Variants in NLRP9 observed in about 807,000 individuals in gnomAD.
The protein encoded by NLRP9 is NLR family pyrin domain containing 9.
NLRP9 carries 88 observed loss-of-function variants against 83.1 expected under a neutral mutation model. That is an observed-to-expected ratio of 1.06 (90% CI 0.89 to 1.26). The LOEUF (loss-of-function observed/expected upper bound fraction) is 1.26, where lower values mean the gene tolerates loss of function less well. Among genes scored for constraint, NLRP9 ranks in the 50% most tolerant of loss-of-function variants. NLRP9 has a pLI of 0.00. For missense variants in NLRP9, 1,308 were observed against 1,179.3 expected (o/e 1.11, Z -1.60); for synonymous variants, 521 against 447.6 (o/e 1.16, Z -2.07).
At chr19:55,717,676 C>T (rs969053447) in intron 4 of NLRP9, among the ~76,000 whole-genome samples, 1 of 152,234 alleles carries the variant, frequency 6.6e-6, no homozygotes, top group Non-Finnish European at 1.5e-5. Context: ...CAACACGCTT[C>T]TGTGGCCGGA....
chr19:55,712,104 G>A (rs1305100915), intron 7 of NLRP9, 134 bp from the exon 8 acceptor site: 5 of 880,740 alleles, frequency 5.7e-6, no homozygotes, highest in South Asian at 3.3e-5. Flanking sequence ...CAGCCAGGAC[G>A]ATTGTGCTCC....
chr19:55,733,250 G>A lies in NLRP9; in HGVS notation c.581C>T (p.Ala194Val). Reference sequence around the variant, plus strand: ...GAGGAGCTCCAGTAAGCTGGTCTCTGCGATACCGTTCATTTCACAGACATT... The same window carrying A: ...GAGGAGCTCCAGTAAGCTGGTCTCTACGATACCGTTCATTTCACAGACATT... The part of the protein sequence containing the change: ...FLNVCEMNGI[A>V]ETSLLELLSR... Residue 194 changes from alanine to valine, a missense_variant, in exon 2 of 9, where the codon GCA becomes GTA. Physicochemically the swap from Ala to Val is moderately conservative, Grantham distance 64 (BLOSUM62 0). Transcript: ENST00000332836. 1 of 1,613,960 alleles carries A rather than the reference G, an allele frequency of 6.2e-7. No homozygotes were observed. The highest frequency in any genetic ancestry group is 8.5e-7 in the Non-Finnish European group (1 of 1,179,856).
rs751372828 is a variant in NLRP9 at position 55,708,999 on chromosome 19, C to CA, written c.2888dup (p.Met963IlefsTer19). The CA allele has an allele frequency of 2.5e-6, 4 of 1,589,080 alleles. No homozygotes were observed. In the African/African-American group the frequency reaches 5.5e-5, roughly 22 times the overall value. On this transcript the variant is annotated frameshift_variant, in exon 9 of 9. Transcript: ENST00000332836. LOFTEE classifies it low-confidence loss of function (END_TRUNC). ...GATGGGGAATTTTTTCTTCCACAGACATCAGGATCTTCTGAGTTTCTTCAT... is the reference window on the plus strand; with the variant it reads ...GATGGGGAATTTTTTCTTCCACAGACAATCAGGATCTTCTGAGTTTCTTCAT...
chr19:55,712,278 C>A, intron 7 of NLRP9, 142 bp downstream of exon 7: 1 of 738,906 alleles, frequency 1.4e-6, no homozygotes, highest in Non-Finnish European at 2.2e-6. Context: ...CTGAGCAAAC[C>A]CTGGGGCAGC....
Position 55,732,438 on chromosome 19 carries a change from C to T in NLRP9, c.1393G>A (p.Asp465Asn), listed in dbSNP as rs146896528. The T allele has an allele frequency of 2.5e-5, 41 of 1,614,076 alleles. No homozygotes were observed. The highest frequency in any genetic ancestry group is 2.1e-4 in the African/African-American group (16 of 74,928). The change falls in exon 2 of 9, where the codon GAT (aspartate) becomes AAT (asparagine). Residue 465 changes from aspartate to asparagine, a missense_variant. Asp to Asn is a conservative substitution (Grantham distance 23). Transcript: ENST00000332836. ...ATGCTTCCAATGGCCGGGTTAGGAT[C>T]GTCTTTGGGTCGTTTGAGCAAATAA... ...MFYLLKRPKD[D>N]PNPAIGSITQ...
chr19:55,724,087 G>C lies in NLRP9; in HGVS notation c.2052C>G (p.Asn684Lys). The change falls in exon 4 of 9, where the codon AAC becomes AAG. Residue 684 changes from asparagine to lysine, a missense_variant. Asn to Lys is a moderately conservative substitution (Grantham distance 94). Transcript: ENST00000332836. The stretch of plus-strand genomic sequence containing the variant: ...ACAGGCTCAGAAGTTTCAGATGAGG[G>C]TTGTGAAGAACTGCCTTAAATAATT... ...DSELFKAVLHNPHLKLLSLYG... is the reference protein window; with the variant it reads ...DSELFKAVLHKPHLKLLSLYG... The C allele has an allele frequency of 6.2e-7, 1 of 1,613,352 alleles. No individual in the cohort carries two copies. The highest frequency in any genetic ancestry group is 2.2e-5 in the East Asian group (1 of 44,878).
At chr19:55,714,815 G>A (rs1458525036) in intron 6 of NLRP9, among the ~76,000 whole-genome samples, 1 of 152,082 alleles carries the variant, frequency 6.6e-6, no homozygotes, top group Non-Finnish European at 1.5e-5. Flanking sequence ...ATGGTGGAAG[G>A]GGCAGAAGAG....
chr19:55,729,255 C>CT lies in NLRP9; in HGVS notation c.1994+575dup, dbSNP rs755429652. ...TACATTTTTTTTTTTTTTTATTATA[C>CT]TTTAAGTTCTAGGGTGCATGTGTAC... On this transcript the variant is annotated intron_variant, in intron 3 of 8. Coordinates refer to ENST00000332836, the MANE Select transcript of NLRP9 (RefSeq NM_176820.4). Among the ~76,000 whole-genome samples, 15 of 146,894 alleles carry CT rather than the reference C, an allele frequency of 1.0e-4. No individual in the cohort carries two copies. In the East Asian group the frequency reaches 2.0e-3, roughly 20 times the overall value.
At position 55,733,225 on chromosome 19, in the gene NLRP9, G is replaced by A; in HGVS notation, c.606C>T (p.Leu202=). 6.2e-7 allele frequency: 1 copy of A among 1,613,902 alleles called. No homozygotes were observed. Among genetic ancestry groups the A allele is most frequent in the Non-Finnish European group, 8.5e-7 (1 of 1,179,850 alleles). ...CTGAAGACTCCGGCCAGTCCCTAGA[G>A]AGGAGCTCCAGTAAGCTGGTCTCTG... ...GIAETSLLEL[L]SRDWPESSEK... The change falls in exon 2 of 9, where the codon CTC becomes CTT. Residue 202 remains leucine (L), a synonymous_variant. Transcript: ENST00000332836.
intron 4 of NLRP9, among the ~76,000 whole-genome samples, chr19:55,718,167 C>T (rs769799319): frequency 6.6e-6 from 1 of 152,160 alleles, no homozygotes; most frequent in Non-Finnish European, 1.5e-5. Flanking sequence ...TCTCGATTAA[C>T]CAGGGACACA....
chr19:55,718,063 C>G (rs897642645), intron 4 of NLRP9, among the ~76,000 whole-genome samples: 1 of 152,188 alleles, frequency 6.6e-6, no homozygotes, highest in African/African-American at 2.4e-5. Context: ...CACAGAAACA[C>G]GTGGTTTAAT....
At chr19:55,733,861 G>A (rs1229049022) in intron 1 of NLRP9, among the ~76,000 whole-genome samples, 1 of 150,492 alleles carries the variant, frequency 6.6e-6, no homozygotes, top group Non-Finnish European at 1.5e-5. Flanking sequence ...TCTTAACCCA[G>A]ACATTTCCTT....
Position 55,708,657 on chromosome 19 carries a change from A to G in NLRP9, c.*255T>C, listed in dbSNP as rs116612558. 7.1e-3 allele frequency: 2,263 copies of G among 318,838 alleles called. 38 individuals are homozygous for G. Among genetic ancestry groups the G allele is most frequent in the African/African-American group, 0.045 (2,100 of 46,844 alleles). The allele number at this position is 318,838 out of a possible 1,614,324, so 19.8% of individuals were successfully genotyped here. ...TTTCCAGAGCGTTTAGCACTTGTTT[A>G]ACGTACTTGTGCTTCTAAATATCAC... On this transcript the variant is annotated 3_prime_UTR_variant, in exon 9 of 9. Transcript: ENST00000332836.
chr19:55,729,621 T>A (rs10416491), intron 3 of NLRP9, among the ~76,000 whole-genome samples: 35,593 of 152,008 alleles, frequency 0.23, 6,723 homozygotes, highest in African/African-American at 0.53. Context: ...ACATTTTCTT[T>A]ATCCAGTCTA....
At position 55,738,287 on chromosome 19, in the gene NLRP9, G is replaced by A. The variant is rs1369521221; in HGVS notation, c.88C>T (p.Leu30Phe). Residue 30 changes from leucine (L) to phenylalanine (F), a missense_variant, in exon 1 of 9, where the codon CTC becomes TTC. Transcript: ENST00000332836. Reference protein sequence around the residue: ...KEEFWKFKELLKQPLEKFELK... With the variant: ...KEEFWKFKELFKQPLEKFELK... ...TCAAATTTCTCCAAAGGTTGTTTGA[G>A]GAGCTCCTTAAATTTCCAAAACTCT... 6 of 1,614,098 alleles carry A rather than the reference G, an allele frequency of 3.7e-6. No individual in the cohort carries two copies. The South Asian group carries it at 4.4e-5, about 12-fold the overall frequency.
At chr19:55,716,126 G>A (rs1337225962) in intron 5 of NLRP9, among the ~76,000 whole-genome samples, 1 of 151,966 alleles carries the variant, frequency 6.6e-6, no homozygotes, top group Non-Finnish European at 1.5e-5. Flanking sequence ...GATTTTAAAT[G>A]TTCTCACATC....
chr19:55,710,664 C>T (rs1204442391), intron 8 of NLRP9, among the ~76,000 whole-genome samples: 4 of 152,182 alleles, frequency 2.6e-5, no homozygotes, highest in Non-Finnish European at 5.9e-5. Context: ...CCACCAAAGA[C>T]GTGCCTATTT....
At chr19:55,733,918 AAT>A (rs1988689404) in intron 1 of NLRP9, among the ~76,000 whole-genome samples, 2 of 118,058 alleles carry the variant, frequency 1.7e-5, no homozygotes, top group African/African-American at 7.3e-5. Flanking sequence ...TTGTCAACCA[AAT>A]TTTTTTTTTT....
At chr19:55,717,032 TC>T (rs370284186) in intron 4 of NLRP9, 134 bp from the exon 5 acceptor site, 85 of 578,992 alleles carry the variant, frequency 1.5e-4, no homozygotes, top group African/African-American at 6.6e-4. Context: ...AGACTCTTTT[TC>T]TTTTTTTTTT....
Sources: allele counts gnomAD v4.1 joint callset (sites outside exome capture counted in the v4.1 genomes callset), GRCh38; gene constraint gnomAD v4.1.1; transcripts MANE v1.5; gene names NCBI Gene and HGNC (gene_info 2026-07-23, HGNC 2026-07-21).